POMZP3: variants seen among roughly 807,000 people sequenced by gnomAD.
The protein encoded by POMZP3 is POM121 and ZP3 fusion protein.
POMZP3 carries 10 observed loss-of-function variants against 19.8 expected under a neutral mutation model. The ratio of observed to expected loss-of-function variants is 0.51; its 90% confidence interval spans 0.31 to 0.86. The LOEUF is 0.86. Among genes scored for constraint, POMZP3 ranks in the 40% least tolerant of loss-of-function variants. POMZP3 has a pLI of 0.04. For missense variants in POMZP3, 152 were observed against 228.1 expected (o/e 0.67, Z 2.15); for synonymous variants, 57 against 85.8 (o/e 0.66, Z 1.85).
intron 3 of POMZP3, among the ~76,000 whole-genome samples, chr7:76,623,577 T>TC (rs2116879290): frequency 6.8e-6 from 1 of 147,902 alleles, no homozygotes; most frequent in African/African-American, 2.5e-5. Flanking sequence ...GGTGGGTGGA[T>TC]CACCTGAGGT....
chr7:76,623,770 C>G (rs1225982671), intron 3 of POMZP3, among the ~76,000 whole-genome samples: 2 of 151,896 alleles, frequency 1.3e-5, no homozygotes, highest in Admixed American at 6.6e-5. Flanking sequence ...CATTTACACT[C>G]CGGCATGGCT....
intron 4 of POMZP3, among the ~76,000 whole-genome samples, chr7:76,612,911 G>A (rs1638136): frequency 0.045 from 3,041 of 67,912 alleles, 339 homozygotes; most frequent in African/African-American, 0.15. Flanking sequence ...GACTTAAGAG[G>A]TTTTTTTTTT....
At chr7:76,621,027 T>A in intron 3 of POMZP3, 1 of 149,072 alleles carries the variant, frequency 6.7e-6, no homozygotes, top group East Asian at 1.9e-4. Flanking sequence ...CGCCACCACG[T>A]CCGGCTAATT....
At position 76,616,484 on chromosome 7, in the gene POMZP3, G is replaced by T. The variant is rs1176079258; in HGVS notation, c.345+1699C>A. Among the ~76,000 whole-genome samples the T allele has an allele frequency of 2.0e-5, 2 of 101,276 alleles. 1 individual carries two copies. The highest frequency in any genetic ancestry group is 4.4e-5 in the Non-Finnish European group (2 of 45,618). 66.4% of individuals were successfully genotyped at this position (101,276 alleles called of 152,430 possible). ...AGATGATTAGTATAGAGCCAGCACT[G>T]GAAACCCCTACTTTAATCACTTCCT... On this transcript the variant is annotated intron_variant, in intron 4 of 6. Coordinates refer to ENST00000310842, the MANE Select transcript of POMZP3 (RefSeq NM_012230.5).
chr7:76,610,271 G>T, intron 6 of POMZP3, 56 bp from the exon 7 acceptor site: 1 of 1,612,694 alleles, frequency 6.2e-7, no homozygotes, highest in Non-Finnish European at 8.5e-7. Context: ...CGGGAACTGG[G>T]TTGGAGGTTT....
chr7:76,625,645 G>C lies in POMZP3; in HGVS notation c.104C>G (p.Ser35Ter). The C allele has an allele frequency of 6.2e-7, 1 of 1,613,862 alleles. No homozygotes were observed. Among genetic ancestry groups the C allele is most frequent in the Admixed American group, 1.7e-5 (1 of 59,998 alleles). The change falls in exon 3 of 7, where the codon TCA (serine) becomes TGA (stop). Residue 35 changes from serine to a stop codon, truncating the protein, a stop_gained. Transcript: ENST00000310842. LOFTEE classifies it high-confidence loss of function. ...QIISSTLSSP[S>*]SNAPDPCAKE... is the part of the protein sequence containing the mutation. ...TGCACATGGGTCTGGGGCATTACTT[G>C]ATGGTGAGGACAGTGTTGAGCTGAT...
Position 76,627,099 on chromosome 7 carries a change from C to T in POMZP3, c.-543G>A. 3 of 1,366,560 alleles carry T rather than the reference C, an allele frequency of 2.2e-6. No homozygotes were observed. The highest frequency in any genetic ancestry group is 2.9e-6 in the Non-Finnish European group (3 of 1,038,716). 84.7% of individuals were successfully genotyped at this position (1,366,560 alleles called of 1,614,324 possible). On this transcript the variant is annotated 5_prime_UTR_variant, in exon 1 of 7. Transcript: ENST00000310842. ...GTCCCCACCAGGCCGCGGTAGTCCC[C>T]ACGGCCAGCCAGGCCAGCGCAGCCG...
At chr7:76,611,266 C>T (rs866452075) in intron 6 of POMZP3, among the ~76,000 whole-genome samples, 188 bp downstream of exon 6, 5 of 151,896 alleles carry the variant, frequency 3.3e-5, no homozygotes, top group African/African-American at 9.7e-5. Flanking sequence ...TGGCTGCCAC[C>T]GAGGTGGAAG....
At chr7:76,622,719 A>C (rs1048182077) in intron 3 of POMZP3, among the ~76,000 whole-genome samples, 2 of 151,800 alleles carry the variant, frequency 1.3e-5, no homozygotes, top group East Asian at 1.9e-4. Flanking sequence ...TCTGTTGTCC[A>C]GGCTAGAGTG....
chr7:76,623,822 G>A (rs550077456), intron 3 of POMZP3, among the ~76,000 whole-genome samples: 8 of 152,146 alleles, frequency 5.3e-5, no homozygotes, highest in African/African-American at 1.9e-4. Flanking sequence ...GAAAGAGAGA[G>A]AGAGAGAAAG....
At chr7:76,621,798 G>C (rs1321979929) in intron 3 of POMZP3, among the ~76,000 whole-genome samples, 1 of 151,532 alleles carries the variant, frequency 6.6e-6, no homozygotes, top group East Asian at 2.0e-4. Context: ...AAAGTAGCCG[G>C]ATATGGTGGC....
chr7:76,617,687 C>CTT (rs3973005), intron 4 of POMZP3, among the ~76,000 whole-genome samples: 3 of 83,286 alleles, frequency 3.6e-5, no homozygotes, highest in Admixed American at 1.1e-4. Flanking sequence ...TAACACCTGC[C>CTT]TTTTTTTTTT....
chr7:76,619,862 T>TA (rs1425306566), intron 3 of POMZP3, among the ~76,000 whole-genome samples: 1 of 85,646 alleles, frequency 1.2e-5, no homozygotes, highest in Non-Finnish European at 2.3e-5. Flanking sequence ...CTACAAAAAA[T>TA]AAAAAAATTA....
At chr7:76,621,872 G>A (rs1754219) in intron 3 of POMZP3, among the ~76,000 whole-genome samples, 54,615 of 111,590 alleles carry the variant, frequency 0.49, 13,956 homozygotes, top group Middle Eastern at 0.68. Context: ...CCCGGGAGGC[G>A]GAGCTTGCAG....
At chr7:76,622,374 G>GTTTT (rs757086256) in intron 3 of POMZP3, among the ~76,000 whole-genome samples, 2 of 62,808 alleles carry the variant, frequency 3.2e-5, no homozygotes, top group Non-Finnish European at 6.1e-5. Flanking sequence ...TCATTCTCAA[G>GTTTT]TTTTTTTTTT....
In POMZP3 at chr7:76,625,980, C is replaced by T. The variant is rs1468402617; in HGVS notation, c.65+20G>A. 2 of 1,612,998 alleles carry T rather than the reference C, an allele frequency of 1.2e-6. No individual in the cohort carries two copies. Among genetic ancestry groups the T allele is most frequent in the African/African-American group, 2.7e-5 (2 of 74,912 alleles). On this transcript the variant is annotated intron_variant, in intron 2 of 6. Coordinates refer to ENST00000310842, the MANE Select transcript of POMZP3 (RefSeq NM_012230.5). ...AGTGGACACGAAAAGGGAGAGTATT[C>T]TTCCAACGATAATACTCACATCGCA... is the stretch of plus-strand genomic sequence containing the variant.
intron 4 of POMZP3, among the ~76,000 whole-genome samples, chr7:76,613,497 C>A (rs1477491985): frequency 1.0e-5 from 1 of 96,978 alleles, no homozygotes; most frequent in Non-Finnish European, 2.2e-5. Flanking sequence ...GTAAGCACTG[C>A]CCCCCTACCC....
intron 3 of POMZP3, among the ~76,000 whole-genome samples, chr7:76,621,642 A>C (rs1463092477): frequency 6.6e-6 from 1 of 151,656 alleles, no homozygotes; most frequent in African/African-American, 2.4e-5. Context: ...CTTGCTGATA[A>C]AACAGGTTGC....
In POMZP3 at chr7:76,611,498, G is replaced by C; in HGVS notation, c.531C>G (p.Val177=). 5 of 1,604,734 alleles carry C rather than the reference G, an allele frequency of 3.1e-6. 1 individual carries two copies. The highest frequency in any genetic ancestry group is 4.3e-6 in the Non-Finnish European group (5 of 1,172,296). ...TPSHSRRQPR[V]VSQWSTSASL ...AAGCAGACGTGGACCACTGGCTCAC[G>C]ACACGAGGCTGCCTCCTGGAATGGC... Residue 177 remains valine, a synonymous_variant, in exon 6 of 7, where the codon GTC becomes GTG. Transcript: ENST00000310842.
Sources: allele counts gnomAD v4.1 joint callset (sites outside exome capture counted in the v4.1 genomes callset), GRCh38; gene constraint gnomAD v4.1.1; transcripts MANE v1.5; gene names NCBI Gene and HGNC (gene_info 2026-07-23, HGNC 2026-07-21).